The following OCIAD1 variants were observed in gnomAD, a reference collection of about 807,000 sequenced individuals.
The protein encoded by OCIAD1 is OCIA domain-containing protein 1.
A neutral mutation model predicts 38.9 loss-of-function variants in OCIAD1; 29 were observed. That is an observed-to-expected ratio of 0.74 (90% CI 0.55 to 1.02). The LOEUF (loss-of-function observed/expected upper bound fraction) is 1.02. Ranked by LOEUF, OCIAD1 falls within the 50% of genes least tolerant of loss-of-function variation. The probability of loss-of-function intolerance (pLI) is 0.00; values close to 1 mark genes in which losing one functional copy is unlikely to be tolerated. For synonymous variants in OCIAD1, 110 were observed against 92.0 expected, an observed-to-expected ratio of 1.20 and a Z score of -1.12; for missense variants, 288 against 289.6, an observed-to-expected ratio of 0.99 and a Z score of 0.04.
upstream of OCIAD1, among the ~76,000 whole-genome samples, chr4:48,828,522 G>T (rs1241964567): frequency 6.6e-6 from 1 of 152,046 alleles, no homozygotes; most frequent in Non-Finnish European, 1.5e-5. Context: ...TCACTCTTTG[G>T]GTCTGCACCA....
At chr4:48,850,586 GT>G (rs1779350703) in intron 6 of OCIAD1, among the ~76,000 whole-genome samples, 1 of 151,994 alleles carries the variant, frequency 6.6e-6, no homozygotes. Flanking sequence ...GTTTTGTTTT[GT>G]TTTGAGACAG....
rs761791560 is a variant in OCIAD1 at position 48,857,260 on chromosome 4, T to C, written c.595T>C (p.Tyr199His). Residue 199 changes from tyrosine (Y) to histidine (H), a missense_variant, in exon 8 of 9, where the codon TAT (tyrosine) becomes CAT (histidine). Coordinates refer to ENST00000264312, the MANE Select transcript of OCIAD1 (RefSeq NM_017830.4). The stretch of plus-strand genomic sequence containing the variant: ...AAGTCCTAAAAGAAAAAATATTACA[T>C]ATGAGGAATTAAGGAATAAGAACAG... ...EESPKRKNIT[Y>H]EELRNKNRES... is the part of the protein sequence containing the mutation. 4.4e-6 allele frequency: 7 copies of C among 1,583,718 alleles called. No individual in the cohort carries two copies. Among genetic ancestry groups the C allele is most frequent in the Non-Finnish European group, 5.1e-6 (6 of 1,166,030 alleles).
chr4:48,824,405 G>A (rs781752609), intron 1 of OCIAD1, among the ~76,000 whole-genome samples: 2 of 151,680 alleles, frequency 1.3e-5, no homozygotes, highest in East Asian at 1.9e-4. Flanking sequence ...TTTTGAGATG[G>A]GACCTCATTC....
At chr4:48,831,983 A>G (rs1401708538) in intron 1 of OCIAD1, among the ~76,000 whole-genome samples, 2 of 152,234 alleles carry the variant, frequency 1.3e-5, no homozygotes, top group Non-Finnish European at 2.9e-5. Context: ...GAGTTTTTAA[A>G]AAAAGAACCA....
intron 7 of OCIAD1, among the ~76,000 whole-genome samples, chr4:48,854,541 C>T (rs999516333): frequency 6.6e-6 from 1 of 152,208 alleles, no homozygotes; most frequent in Non-Finnish European, 1.5e-5. Flanking sequence ...CCACCATTTG[C>T]ATTAGGAAAT....
At chr4:48,860,636 C>T in intron 8 of OCIAD1, 89 bp from the exon 9 acceptor site, 1 of 988,670 alleles carries the variant, frequency 1.0e-6, no homozygotes, top group South Asian at 1.4e-5. Context: ...GAGAGAGAAA[C>T]ATAACTTTTC....
upstream of OCIAD1, among the ~76,000 whole-genome samples, chr4:48,829,691 A>G (rs1777329631): frequency 6.6e-6 from 1 of 152,240 alleles, no homozygotes; most frequent in Non-Finnish European, 1.5e-5. Flanking sequence ...ACAGTGGTCT[A>G]GAAGAGGGAA....
chr4:48,854,773 G>A (rs1779860194), intron 7 of OCIAD1, among the ~76,000 whole-genome samples: 1 of 152,112 alleles, frequency 6.6e-6, no homozygotes, highest in Admixed American at 6.6e-5. Flanking sequence ...CTTTTGCTTT[G>A]CCCCAGATGC....
At chr4:48,806,981 G>A (rs1327847600) in intron 1 of OCIAD1, among the ~76,000 whole-genome samples, 4 of 151,972 alleles carry the variant, frequency 2.6e-5, no homozygotes, top group Non-Finnish European at 4.4e-5. Flanking sequence ...ACAGCTCACC[G>A]CAGCCTCAAA....
At chr4:48,810,329 C>T (rs1036782542) in intron 1 of OCIAD1, among the ~76,000 whole-genome samples, 23 of 151,788 alleles carry the variant, frequency 1.5e-4, no homozygotes, top group Admixed American at 8.5e-4. Flanking sequence ...ATTAGCCGGG[C>T]GCGGTGGCGG....
rs1560432652 is a variant in OCIAD1, at chr4:48,848,447, G to GT, written c.241+2dup. ...TATGGTTCCATCCCTAAACTTATAC[G>GT]TAAGTATGAACAACATTGTAGTTTT... On this transcript the variant is annotated splice_donor_variant, in intron 5 of 8. Coordinates refer to ENST00000264312, the MANE Select transcript of OCIAD1 (RefSeq NM_017830.4). LOFTEE classifies it high-confidence loss of function. 2.1e-6 allele frequency: 3 copies of GT among 1,424,690 alleles called. No individual in the cohort carries two copies. Among genetic ancestry groups the GT allele is most frequent in the Non-Finnish European group, 2.9e-6 (3 of 1,020,102 alleles). 88.3% of individuals were successfully genotyped at this position (1,424,690 alleles called of 1,614,324 possible). A position where few individuals can be genotyped will look rare whatever the true frequency, so the allele number is the denominator to read the frequency against.
chr4:48,841,484 C>T (rs557008856), intron 3 of OCIAD1, among the ~76,000 whole-genome samples: 1 of 152,258 alleles, frequency 6.6e-6, no homozygotes, highest in African/African-American at 2.4e-5. Context: ...GTTGTATCTA[C>T]CCGGGGAACT....
chr4:48,858,765 A>G (rs1432981242), intron 8 of OCIAD1, among the ~76,000 whole-genome samples: 2 of 152,102 alleles, frequency 1.3e-5, no homozygotes, highest in South Asian at 2.1e-4. Context: ...TTTCTTGTAC[A>G]TTTGTGAATT....
At chr4:48,855,404 T>C (rs897984085) in intron 7 of OCIAD1, among the ~76,000 whole-genome samples, 5 of 152,230 alleles carry the variant, frequency 3.3e-5, no homozygotes, top group African/African-American at 1.2e-4. Flanking sequence ...TACATTCTTT[T>C]TTTAGTAAGA....
intron 1 of OCIAD1, among the ~76,000 whole-genome samples, chr4:48,818,211 C>T: frequency 6.6e-6 from 1 of 152,192 alleles, no homozygotes; most frequent in East Asian, 1.9e-4. Flanking sequence ...TGGGACGAAA[C>T]TTCCAGAGAA....
At chr4:48,859,172 T>A (rs1047229227) in intron 8 of OCIAD1, among the ~76,000 whole-genome samples, 5 of 152,154 alleles carry the variant, frequency 3.3e-5, no homozygotes, top group Non-Finnish European at 7.3e-5. Context: ...TCGTTTGGAG[T>A]TCTGTTTTTA....
chr4:48,854,168 C>G (rs139120307), intron 7 of OCIAD1, among the ~76,000 whole-genome samples: 1 of 152,170 alleles, frequency 6.6e-6, no homozygotes, highest in Non-Finnish European at 1.5e-5. Flanking sequence ...GTTCGAAGAC[C>G]CCTGTGGATG....
At chr4:48,825,342 G>C (rs1447482061) in intron 1 of OCIAD1, among the ~76,000 whole-genome samples, 1 of 152,136 alleles carries the variant, frequency 6.6e-6, no homozygotes, top group African/African-American at 2.4e-5. Context: ...TCTAACACAT[G>C]AATCCAGGTC....
Position 48,861,063 on chromosome 4 carries a change from T to C in OCIAD1, c.*301T>C. ...TCTTAAAAAACCGTCGAGATTACAA[T>C]GCTCTAGAATCAGCATATAAGAAAA... On this transcript the variant is annotated 3_prime_UTR_variant, in exon 9 of 9. Transcript: ENST00000264312. The C allele has an allele frequency of 3.3e-6, 1 of 301,498 alleles. No homozygotes were observed. Among genetic ancestry groups the C allele is most frequent in the Non-Finnish European group, 6.0e-6 (1 of 165,472 alleles). 18.7% of individuals were successfully genotyped at this position (301,498 alleles called of 1,614,324 possible).
Sources: allele counts gnomAD v4.1 joint callset (sites outside exome capture counted in the v4.1 genomes callset), GRCh38; gene constraint gnomAD v4.1.1; transcripts MANE v1.5; gene names NCBI Gene and HGNC (gene_info 2026-07-23, HGNC 2026-07-21).